The following RASGRF2 variants were observed in gnomAD, a reference collection of about 807,000 sequenced individuals.
The protein encoded by RASGRF2 is Ras protein specific guanine nucleotide releasing factor 2, also known as ras-specific guanine nucleotide-releasing factor 2.
RASGRF2 carries 76 observed loss-of-function variants against 151.0 expected under a neutral mutation model. That is an observed-to-expected ratio of 0.50 (90% CI 0.42 to 0.61). The LOEUF (loss-of-function observed/expected upper bound fraction) is 0.61. Ranked by LOEUF, RASGRF2 falls within the 20% of genes least tolerant of loss-of-function variation. The pLI is 0.00. For missense variants in RASGRF2, 1,148 were observed against 1,564.6 expected, an observed-to-expected ratio of 0.73 and a Z score of 4.49; for synonymous variants, 504 against 566.5, an observed-to-expected ratio of 0.89 and a Z score of 1.57.
intron 12 of RASGRF2, among the ~76,000 whole-genome samples, chr5:81,097,801 G>A (rs967776423): frequency 1.3e-5 from 2 of 152,186 alleles, no homozygotes; most frequent in African/African-American, 2.4e-5. Flanking sequence ...AAAAAAGAAA[G>A]TCAATGAGGT....
At chr5:81,039,956 T>A (rs1259282664) in intron 1 of RASGRF2, among the ~76,000 whole-genome samples, 1 of 152,164 alleles carries the variant, frequency 6.6e-6, no homozygotes, top group African/African-American at 2.4e-5. Flanking sequence ...TTCACTCATT[T>A]AAAAAAATAC....
chr5:80,995,412 A>G (rs1748814345), intron 1 of RASGRF2, among the ~76,000 whole-genome samples: 2 of 151,346 alleles, frequency 1.3e-5, no homozygotes, highest in South Asian at 2.1e-4. Context: ...ACACACACAC[A>G]CACACAGGCA....
At chr5:80,995,631 A>C (rs1748820484) in intron 1 of RASGRF2, among the ~76,000 whole-genome samples, 1 of 145,472 alleles carries the variant, frequency 6.9e-6, no homozygotes, top group Non-Finnish European at 1.5e-5. Context: ...TCTCTGCTTT[A>C]GTTCCTCTGG....
intron 1 of RASGRF2, among the ~76,000 whole-genome samples, chr5:80,971,590 GT>G (rs1747936095): frequency 7.0e-6 from 1 of 142,310 alleles, no homozygotes; most frequent in African/African-American, 2.6e-5. Context: ...TTTTGAGATA[GT>G]TTCTTACTCT....
At position 81,206,917 on chromosome 5, in the gene RASGRF2, C is replaced by G. The variant is rs6453542; in HGVS notation, c.2967+12C>G. ...ATATAATTCAAATGGTAAGTCTGAC[C>G]ACATTTTTATCTAGCACAACTATGT... On this transcript the variant is annotated intron_variant, in intron 20 of 26. Transcript: ENST00000265080. 262,907 of 1,581,786 alleles carry G rather than the reference C, an allele frequency of 0.17. 23,370 individuals carry two copies. Among genetic ancestry groups the G allele is most frequent in the East Asian group, 0.3 (13,186 of 44,662 alleles).
intron 17 of RASGRF2, among the ~76,000 whole-genome samples, chr5:81,133,537 A>C (rs950199514): frequency 6.6e-6 from 1 of 152,244 alleles, no homozygotes; most frequent in Non-Finnish European, 1.5e-5. Context: ...AGAGCACATC[A>C]TTGCACTTAC....
chr5:81,023,074 G>T (rs1222111084), intron 1 of RASGRF2, among the ~76,000 whole-genome samples: 4 of 150,170 alleles, frequency 2.7e-5, no homozygotes, highest in African/African-American at 7.4e-5. Context: ...ATAGTTGTGA[G>T]TGCGGAGGGT....
At chr5:81,077,602 C>G (rs1033699302) in intron 5 of RASGRF2, among the ~76,000 whole-genome samples, 25 of 152,198 alleles carry the variant, frequency 1.6e-4, no homozygotes, top group Non-Finnish European at 7.3e-5. Flanking sequence ...TGGCTCCTCT[C>G]AAGTGTGTGG....
intron 2 of RASGRF2, among the ~76,000 whole-genome samples, chr5:81,055,479 C>A (rs546213545): frequency 2.0e-5 from 3 of 152,042 alleles, no homozygotes; most frequent in East Asian, 1.9e-4. Flanking sequence ...GGATGAAGCC[C>A]ACTTGATCAT....
At chr5:81,053,058 A>G (rs1482252088) in intron 2 of RASGRF2, among the ~76,000 whole-genome samples, 1 of 152,132 alleles carries the variant, frequency 6.6e-6, no homozygotes, top group Non-Finnish European at 1.5e-5. Context: ...AAGTATGATA[A>G]TTACTTGAGT....
chr5:80,983,334 G>A (rs369774173), intron 1 of RASGRF2, among the ~76,000 whole-genome samples: 15 of 152,184 alleles, frequency 9.9e-5, no homozygotes, highest in African/African-American at 2.7e-4. Context: ...GCTAGGTCTC[G>A]TCCCTTGCAG....
Position 81,188,506 on chromosome 5 carries a change from G to A in RASGRF2, c.2793+8225G>A, listed in dbSNP as rs531958532. On this transcript the variant is annotated intron_variant, in intron 18 of 26. Transcript: ENST00000265080. ...TTGGTATCGGTTTAGTTATGATATG[G>A]GGCACATGGTCTTTTATGGGTGACT... Among the ~76,000 whole-genome samples the A allele has an allele frequency of 6.4e-4, 98 of 152,234 alleles. 1 individual carries two copies. The highest frequency in any genetic ancestry group is 2.3e-3 in the African/African-American group (94 of 41,540).
intron 1 of RASGRF2, among the ~76,000 whole-genome samples, chr5:80,992,568 G>A (rs1425937482): frequency 6.6e-6 from 1 of 152,212 alleles, no homozygotes; most frequent in South Asian, 2.1e-4. Context: ...AAAACAGTTG[G>A]TTCCAGGATA....
intron 10 of RASGRF2, among the ~76,000 whole-genome samples, chr5:81,093,991 C>T (rs1401563817): frequency 1.3e-5 from 2 of 152,100 alleles, no homozygotes; most frequent in African/African-American, 4.8e-5. Context: ...GAGTTCAGCC[C>T]TTTGCTAAGG....
intron 18 of RASGRF2, among the ~76,000 whole-genome samples, chr5:81,198,516 G>T (rs1261210905): frequency 6.6e-6 from 1 of 151,540 alleles, no homozygotes; most frequent in Non-Finnish European, 1.5e-5. Flanking sequence ...CTTGGCTCAC[G>T]GCAAGCTCCG....
At chr5:81,087,201 C>T (rs1752259576) in intron 9 of RASGRF2, 2 of 703,038 alleles carry the variant, frequency 2.8e-6, no homozygotes, top group African/African-American at 1.7e-5. Context: ...ACTGGACGCT[C>T]CTCCTCAGCG....
At chr5:81,074,718 T>C (rs1026359792) in intron 5 of RASGRF2, among the ~76,000 whole-genome samples, 3 of 152,178 alleles carry the variant, frequency 2.0e-5, no homozygotes, top group Non-Finnish European at 4.4e-5. Flanking sequence ...TTACAATCTG[T>C]GAATGTACCA....
chr5:81,140,569 G>T (rs1414472056), intron 17 of RASGRF2, among the ~76,000 whole-genome samples: 1 of 152,116 alleles, frequency 6.6e-6, no homozygotes, highest in Non-Finnish European at 1.5e-5. Context: ...CTCATGGCAG[G>T]TGGGCTTTGC....
chr5:80,998,714 C>T (rs1489750062), intron 1 of RASGRF2, among the ~76,000 whole-genome samples: 1 of 152,226 alleles, frequency 6.6e-6, no homozygotes, highest in Non-Finnish European at 1.5e-5. Context: ...CCACGCTCCA[C>T]CCTTTTTCAC....
Sources: allele counts gnomAD v4.1 joint callset (sites outside exome capture counted in the v4.1 genomes callset), GRCh38; gene constraint gnomAD v4.1.1; transcripts MANE v1.5; gene names NCBI Gene and HGNC (gene_info 2026-07-23, HGNC 2026-07-21).